CTNNA2: variants seen among roughly 807,000 people sequenced by gnomAD.
The protein encoded by CTNNA2 is catenin alpha-2.
Under a neutral mutation model 101.0 loss-of-function variants are expected in CTNNA2, and 42 were observed. The ratio of observed to expected loss-of-function variants is 0.42; its 90% CI spans 0.32 to 0.54. CTNNA2 has a LOEUF of 0.54. Among genes scored for constraint, CTNNA2 ranks in the 20% least tolerant of loss-of-function variants. The pLI is 0.14. For synonymous variants in CTNNA2, 450 were observed against 456.4 expected (o/e 0.99, Z 0.18); for missense variants, 871 against 1,223.1 (o/e 0.71, Z 4.29).
At chr2:80,356,933 A>G (rs1673871376) in intron 7 of CTNNA2, among the ~76,000 whole-genome samples, 1 of 152,222 alleles carries the variant, frequency 6.6e-6, no homozygotes, top group South Asian at 2.1e-4. Context: ...TCAAAAGGCT[A>G]GAGGCCTAGC....
At chr2:79,423,105 G>A (rs1678555608) in intron 4 of CTNNA2, among the ~76,000 whole-genome samples, 1 of 152,134 alleles carries the variant, frequency 6.6e-6, no homozygotes, top group Non-Finnish European at 1.5e-5. Context: ...TCTGGGCCCA[G>A]GCCTAATAAG....
chr2:80,345,163 T>C (rs1672618373), intron 7 of CTNNA2, among the ~76,000 whole-genome samples: 2 of 152,198 alleles, frequency 1.3e-5, no homozygotes, highest in Admixed American at 6.5e-5. Context: ...TCCAGTGGTT[T>C]GCCAAAATCA....
chr2:80,233,772 G>A (rs959513475), intron 7 of CTNNA2, among the ~76,000 whole-genome samples: 1 of 151,828 alleles, frequency 6.6e-6, no homozygotes, highest in African/African-American at 2.4e-5. Flanking sequence ...ACTAAGTTAG[G>A]GATTGAATGC....
intron 2 of CTNNA2, among the ~76,000 whole-genome samples, chr2:79,308,763 C>T (rs1206935775): frequency 2.1e-5 from 3 of 146,222 alleles, no homozygotes; most frequent in Admixed American, 1.4e-4. Flanking sequence ...TTCAAATCCA[C>T]TAAATGTTTC....
chr2:80,409,123 A>G (rs574844980), intron 8 of CTNNA2, among the ~76,000 whole-genome samples: 2 of 152,280 alleles, frequency 1.3e-5, no homozygotes, highest in South Asian at 4.1e-4. Flanking sequence ...GTCTGGGTTC[A>G]GCGATCTGAG....
intron 1 of CTNNA2, among the ~76,000 whole-genome samples, chr2:79,628,529 T>C (rs2104339927): frequency 6.6e-6 from 1 of 152,208 alleles, no homozygotes; most frequent in East Asian, 1.9e-4. Context: ...ATTATAAAAA[T>C]CTTACAGGAT....
intron 7 of CTNNA2, among the ~76,000 whole-genome samples, chr2:80,363,328 C>T (rs1674605961): frequency 1.3e-5 from 2 of 152,034 alleles, no homozygotes; most frequent in South Asian, 4.1e-4. Flanking sequence ...AGATAAAGTA[C>T]AAGCAAAGCA....
At chr2:80,021,884 A>G (rs751175044) in intron 7 of CTNNA2, among the ~76,000 whole-genome samples, 1 of 148,104 alleles carries the variant, frequency 6.8e-6, no homozygotes, top group African/African-American at 2.6e-5. Context: ...TATGTGCCAT[A>G]TATCCACAAA....
chr2:80,165,973 C>G (rs917113245), intron 7 of CTNNA2, among the ~76,000 whole-genome samples: 3 of 152,196 alleles, frequency 2.0e-5, no homozygotes, highest in Admixed American at 6.5e-5. Context: ...TGGTGTTTAC[C>G]TAAAGTGGCT....
At chr2:79,484,507 A>G (rs1226321536) in intron 4 of CTNNA2, among the ~76,000 whole-genome samples, 1 of 152,116 alleles carries the variant, frequency 6.6e-6, no homozygotes, top group East Asian at 1.9e-4. Flanking sequence ...ATTTAATTTA[A>G]TTTAATTTAA....
chr2:80,621,670 T>C (rs1671137375), intron 18 of CTNNA2, among the ~76,000 whole-genome samples: 2 of 152,118 alleles, frequency 1.3e-5, no homozygotes, highest in South Asian at 2.1e-4. Flanking sequence ...AGTTTAAAAT[T>C]ACCTATGTAA....
At chr2:79,696,081 CT>C (rs1461738700) in intron 2 of CTNNA2, among the ~76,000 whole-genome samples, 1 of 151,932 alleles carries the variant, frequency 6.6e-6, no homozygotes, top group Non-Finnish European at 1.5e-5. Context: ...CAATTAAACA[CT>C]CTAGGTCAGA....
At chr2:80,268,736 A>G (rs944153750) in intron 7 of CTNNA2, among the ~76,000 whole-genome samples, 1 of 152,160 alleles carries the variant, frequency 6.6e-6, no homozygotes, top group Non-Finnish European at 1.5e-5. Flanking sequence ...AATCATTGGT[A>G]TGGGATACAT....
intron 1 of CTNNA2, among the ~76,000 whole-genome samples, chr2:79,186,688 G>A (rs1041221671): frequency 2.6e-5 from 4 of 152,138 alleles, no homozygotes; most frequent in African/African-American, 9.7e-5. Context: ...TTTTCAGGGA[G>A]TTTCTTTTTA....
At chr2:80,259,829 TC>T (rs1364216684) in intron 7 of CTNNA2, among the ~76,000 whole-genome samples, 1 of 152,194 alleles carries the variant, frequency 6.6e-6, no homozygotes, top group Non-Finnish European at 1.5e-5. Context: ...TTTACTTCTT[TC>T]CCTTTACGAA....
intron 3 of CTNNA2, among the ~76,000 whole-genome samples, chr2:79,335,943 A>G (rs1206955496): frequency 6.6e-6 from 1 of 152,234 alleles, no homozygotes; most frequent in African/African-American, 2.4e-5. Context: ...AGTCAAAAGC[A>G]CAGACATTAA....
intron 7 of CTNNA2, among the ~76,000 whole-genome samples, chr2:80,161,614 T>C (rs1704324720): frequency 6.6e-6 from 1 of 152,204 alleles, no homozygotes; most frequent in Non-Finnish European, 1.5e-5. Flanking sequence ...TTGAAAATGT[T>C]AAAGTTTTTA....
chr2:79,516,746 T>A (rs931804589), intron 1 of CTNNA2, among the ~76,000 whole-genome samples: 2 of 152,168 alleles, frequency 1.3e-5, no homozygotes, highest in African/African-American at 4.8e-5. Flanking sequence ...AGAATATTCT[T>A]AGGTCTTTTC....
intron 7 of CTNNA2, among the ~76,000 whole-genome samples, chr2:80,322,746 T>A (rs1401360481): frequency 3.3e-5 from 5 of 150,766 alleles, no homozygotes; most frequent in Non-Finnish European, 5.9e-5. Context: ...GGTTCCTCAC[T>A]CAGCATGTGA....
Sources: gnomAD v4.1 joint callset for allele counts (sites outside exome capture counted in the v4.1 genomes callset) on GRCh38, gnomAD v4.1.1 for gene constraint, MANE v1.5 for transcripts, NCBI Gene and HGNC (gene_info 2026-07-23, HGNC 2026-07-21) for gene names.